CR2: variants seen among roughly 807,000 people sequenced by gnomAD.
CR2 encodes the protein complement receptor type 2.
Under a neutral mutation model 123.0 loss-of-function variants are expected in CR2, and 96 were observed. That is an observed-to-expected ratio of 0.78 (90% CI 0.66 to 0.93). The LOEUF (loss-of-function observed/expected upper bound fraction) is 0.93, where lower values mean the gene tolerates loss of function less well. CR2 is among the 40% of genes least tolerant of loss of function. The pLI is 0.00. For missense variants in CR2, 1,258 were observed against 1,361.0 expected (o/e 0.92, Z 1.19); for synonymous variants, 484 against 469.5 (o/e 1.03, Z -0.40).
rs1286769254 is a variant in CR2, at chr1:207,475,098, C to T, written c.2598C>T (p.Ser866=). The change falls in exon 14 of 20, where the codon TCC becomes TCT. Residue 866 remains serine, a synonymous_variant. Coordinates refer to ENST00000367057, the MANE Select transcript of CR2 (RefSeq NM_001006658.3). ...TCAATAAAACACATTCTGCATATTCCCACAATGACATAGTGTATGTTGACT... is the reference window on the plus strand; with the variant it reads ...TCAATAAAACACATTCTGCATATTCTCACAATGACATAGTGTATGTTGACT... ...YKLNKTHSAY[S]HNDIVYVDCN... is the part of the protein sequence containing the mutation. 9 of 1,612,252 alleles carry T rather than the reference C, an allele frequency of 5.6e-6. No individual in the cohort carries two copies. The highest frequency in any genetic ancestry group is 7.6e-6 in the Non-Finnish European group (9 of 1,178,902).
chr1:207,485,699 T>G, intron 19 of CR2, 127 bp downstream of exon 19: 1 of 661,946 alleles, frequency 1.5e-6, no homozygotes, highest in East Asian at 2.8e-5. Flanking sequence ...TCAGTAATCA[T>G]GCATAGCAAT....
rs527500171 is a variant in CR2 at position 207,469,999 on chromosome 1, T to C, written c.1122T>C (p.Thr374=). 8.1e-6 allele frequency: 13 copies of C among 1,613,982 alleles called. No individual in the cohort carries two copies. The East Asian group carries it at 2.5e-4, about 30-fold the overall frequency. The part of the protein sequence containing the change: ...GQKDRYTYND[T]VIFACMFGFT... ...AAGATCGATATACCTATAACGACAC[T>C]GTGATATTTGCTTGCATGTTTGGCT... is the stretch of plus-strand genomic sequence containing the variant. The change falls in exon 6 of 20, where the codon ACT becomes ACC. Residue 374 remains threonine, a synonymous_variant. Coordinates refer to ENST00000367057, the MANE Select transcript of CR2 (RefSeq NM_001006658.3).
intron 18 of CR2, among the ~76,000 whole-genome samples, chr1:207,483,018 T>C (rs533790618): frequency 1.1e-4 from 16 of 151,842 alleles, no homozygotes; most frequent in African/African-American, 3.4e-4. Context: ...TACTAATATG[T>C]GCAAAGGATA....
chr1:207,474,830 A>G lies in CR2; in HGVS notation c.2330A>G (p.His777Arg). The change falls in exon 14 of 20, where the codon CAC (histidine) becomes CGC (arginine). Residue 777 changes from histidine (H) to arginine (R), a missense_variant. By Grantham distance (29) the His-to-Arg change is conservative. Transcript: ENST00000367057. ...CCCTAAATCTCTTCTGCAGTTATTC[A>G]CTGTCACCCTCCACCAGTGATTGTC... Reference protein sequence around the residue: ...FKKIPLCKVIHCHPPPVIVNG... With the variant: ...FKKIPLCKVIRCHPPPVIVNG... The G allele has an allele frequency of 6.2e-7, 1 of 1,613,966 alleles. No individual in the cohort carries two copies. Among genetic ancestry groups the G allele is most frequent in the East Asian group, 2.2e-5 (1 of 44,862 alleles).
intron 18 of CR2, among the ~76,000 whole-genome samples, chr1:207,483,342 T>G (rs902285058): frequency 6.6e-6 from 1 of 152,172 alleles, no homozygotes; most frequent in African/African-American, 2.4e-5. Context: ...ACTGAAACTA[T>G]GTACTGAGGG....
At chr1:207,488,053 G>A (rs77207256) in intron 19 of CR2, among the ~76,000 whole-genome samples, 5,599 of 152,256 alleles carry the variant, frequency 0.037, 360 homozygotes, top group African/African-American at 0.13. Flanking sequence ...CAGAAAGGCC[G>A]ACAGGCCACA....
At chr1:207,476,212 C>A (rs1246915535) in intron 14 of CR2, 22 bp from the exon 15 acceptor site, 4 of 1,611,588 alleles carry the variant, frequency 2.5e-6, no homozygotes, top group East Asian at 2.2e-5. Flanking sequence ...GAGTTAAAGA[C>A]CCTTTCTTAT....
chr1:207,475,313 C>A, intron 14 of CR2, 97 bp downstream of exon 14: 1 of 1,297,428 alleles, frequency 7.7e-7, no homozygotes, highest in Admixed American at 2.1e-5. Context: ...AGAAAAGCAT[C>A]TAAGAGCTAA....
chr1:207,472,693 C>G, intron 9 of CR2, 79 bp from the exon 10 acceptor site: 2 of 1,459,550 alleles, frequency 1.4e-6, no homozygotes, highest in Non-Finnish European at 1.9e-6. Flanking sequence ...AGATTCATAA[C>G]CAGCTTCATT....
rs1303928869 is a variant in CR2, at chr1:207,473,564, G to A, written c.1998G>A (p.Gly666=). 4 of 1,613,714 alleles carry A rather than the reference G, an allele frequency of 2.5e-6. No individual in the cohort carries two copies. The highest frequency in any genetic ancestry group is 1.7e-6 in the Non-Finnish European group (2 of 1,179,816). Residue 666 remains glycine, a synonymous_variant, in exon 11 of 20, where the codon GGG becomes GGA. Coordinates refer to ENST00000367057, the MANE Select transcript of CR2 (RefSeq NM_001006658.3). ...CTTCAGGCTGCCAGTCACCTCCTGG[G>A]CTCCACCATGGTCGTCATACAGGTG... ...VCEKGCQSPP[G]LHHGRHTGGN... is the part of the protein sequence containing the mutation.
chr1:207,454,450 T>C lies in CR2; in HGVS notation c.32T>C (p.Leu11Ser), dbSNP rs748860952. The change falls in exon 1 of 20, where the codon TTG becomes TCG. Residue 11 changes from leucine to serine, a missense_variant. By Grantham distance (145) the Leu-to-Ser change is moderately radical. Transcript: ENST00000367057. The surrounding 1 kb of genome is among the most constrained non-coding windows in gnomAD (Gnocchi z 4.3). MGAAGLLGVF[L>S]ALVAPGVLGI... ...GCCGCGGGCCTGCTCGGGGTTTTCTTGGCTCTCGTCGCACCGGGGGTCCTC... is the reference window on the plus strand; with the variant it reads ...GCCGCGGGCCTGCTCGGGGTTTTCTCGGCTCTCGTCGCACCGGGGGTCCTC... 1.7e-5 allele frequency: 27 copies of C among 1,583,428 alleles called. No individual in the cohort carries two copies. The Admixed American group carries it at 4.4e-4, about 26-fold the overall frequency.
At chr1:207,465,805 A>T (rs1257709467) in intron 1 of CR2, among the ~76,000 whole-genome samples, 8 of 152,214 alleles carry the variant, frequency 5.3e-5, no homozygotes, top group African/African-American at 1.9e-4. Context: ...AATGAAGAAT[A>T]TGAGGCCATT....
chr1:207,487,000 T>A (rs1451353976), intron 19 of CR2, among the ~76,000 whole-genome samples: 1 of 152,044 alleles, frequency 6.6e-6, no homozygotes, highest in Non-Finnish European at 1.5e-5. Context: ...ATCATGTGGT[T>A]GTACATAACA....
rs776137794 is a variant in CR2 at position 207,471,508 on chromosome 1, C to T, written c.1570+9C>T. 6.3e-7 allele frequency: 1 copy of T among 1,583,972 alleles called. No individual in the cohort carries two copies. Among genetic ancestry groups the T allele is most frequent in the Admixed American group, 1.7e-5 (1 of 59,918 alleles). The stretch of plus-strand genomic sequence containing the variant: ...GATTCGTCTTTGTAAAGGTGAGTAG[C>T]AAAAATGATATAGGAGCTGAAATAA... On this transcript the variant is annotated intron_variant, in intron 9 of 19. Transcript: ENST00000367057.
At chr1:207,466,340 T>A (rs1402500577) in intron 1 of CR2, among the ~76,000 whole-genome samples, 186 bp from the exon 2 acceptor site, 1 of 152,230 alleles carries the variant, frequency 6.6e-6, no homozygotes, top group African/African-American at 2.4e-5. Context: ...TTGATCTGTT[T>A]GCTGAGGATC....
intron 18 of CR2, among the ~76,000 whole-genome samples, chr1:207,481,610 C>A (rs1658605046): frequency 6.6e-6 from 1 of 151,960 alleles, no homozygotes; most frequent in Non-Finnish European, 1.5e-5. Flanking sequence ...TGCCTTAAAC[C>A]TATATATTTA....
In CR2 at chr1:207,454,737, C is replaced by A. The variant is rs1056025817; in HGVS notation, c.58+261C>A. 4.2e-5 allele frequency: 17 copies of A among 406,210 alleles called. No homozygotes were observed. Among genetic ancestry groups the A allele is most frequent in the African/African-American group, 3.1e-4 (15 of 47,926 alleles). 25.2% of individuals were successfully genotyped at this position (406,210 alleles called of 1,614,324 possible). A position where few individuals can be genotyped will look rare whatever the true frequency, so the allele number is the denominator to read the frequency against. On this transcript the variant is annotated intron_variant, in intron 1 of 19. Transcript: ENST00000367057. The surrounding 1 kb of genome is among the most constrained non-coding windows in gnomAD (Gnocchi z 4.3). ...TGTCTGGTCGGCCCGGTGTGGCTGG[C>A]GGCGTGCGGGTGCTCGCGGTCTCCT...
chr1:207,481,947 C>A (rs965140851), intron 18 of CR2, among the ~76,000 whole-genome samples: 4 of 151,800 alleles, frequency 2.6e-5, no homozygotes, highest in Non-Finnish European at 5.9e-5. Context: ...ATAATTTCTA[C>A]CTCATATCTA....
rs906592183 is a variant in CR2, at chr1:207,486,566, TGC to T, written c.*18+995_*18+996del. Among the ~76,000 whole-genome samples the T allele has an allele frequency of 5.7e-5, 3 of 52,220 alleles. No homozygotes were observed. In the Admixed American group the frequency reaches 6.6e-4, roughly 12 times the overall value. The allele number at this position is 52,220 out of a possible 152,430, so 34.3% of individuals were successfully genotyped here. A position where few individuals can be genotyped will look rare whatever the true frequency, so the allele number is the denominator to read the frequency against. The stretch of plus-strand genomic sequence containing the variant: ...AGAGGAGCAACACATTCACCTTAAC[TGC>T]TGTGTTAAGAACAGACTGTAGGAAG... On this transcript the variant is annotated intron_variant, in intron 19 of 19. Transcript: ENST00000367057.
Sources: allele counts gnomAD v4.1 joint callset (sites outside exome capture counted in the v4.1 genomes callset), GRCh38; gene constraint gnomAD v4.1.1; non-coding constraint Gnocchi (gnomAD v3.1); transcripts MANE v1.5; gene names NCBI Gene and HGNC (gene_info 2026-07-23, HGNC 2026-07-21).